The following AP3B2 variants were observed in gnomAD, a reference collection of about 807,000 sequenced individuals.
The protein encoded by AP3B2 is adaptor related protein complex 3 subunit beta 2, also known as AP-3 complex subunit beta-2.
Under a neutral mutation model 126.9 loss-of-function variants are expected in AP3B2, and 50 were observed. That is an observed-to-expected ratio of 0.39 (90% CI 0.31 to 0.50). AP3B2 has a LOEUF of 0.50. AP3B2 is among the 20% of genes least tolerant of loss of function. The pLI, the probability that AP3B2 is intolerant of heterozygous loss-of-function variation, is 0.79. For missense variants in AP3B2, 1,177 were observed against 1,426.4 expected, an observed-to-expected ratio of 0.83 and a Z score of 2.82; for synonymous variants, 541 against 565.0, an observed-to-expected ratio of 0.96 and a Z score of 0.60.
Position 82,663,968 on chromosome 15 carries a change from T to G in AP3B2, c.2269A>C (p.Ser757Arg), listed in dbSNP as rs574943201. Residue 757 changes from serine to arginine, a missense_variant, in exon 20 of 27, where the codon AGT becomes CGT. Physicochemically the swap from Ser to Arg is moderately radical, Grantham distance 110. Around this residue, in one of 5 missense-constraint regions of AP3B2, gnomAD observed 587 missense variants for 571.3 expected, o/e 1.03. Coordinates refer to ENST00000535359, the MANE Select transcript of AP3B2 (RefSeq NM_001278512.2). ...GTCTTCCTCTTACCATCCTCCTCAC[T>G]CTGTTCACTGAAGGAGTGGGAAAGG... ...EKGRGSESEQ[S>R]EEDGKRKTKK... 1 of 1,603,102 alleles carries G rather than the reference T, an allele frequency of 6.2e-7. No homozygotes were observed. The highest frequency in any genetic ancestry group is 2.2e-5 in the East Asian group (1 of 44,866).
At chr15:82,682,347 C>T (rs999485531) in intron 4 of AP3B2, among the ~76,000 whole-genome samples, 1 of 152,078 alleles carries the variant, frequency 6.6e-6, no homozygotes, top group South Asian at 2.1e-4. Context: ...GCCACCACGC[C>T]CGGCCCCAAG....
chr15:82,675,444 A>G lies in AP3B2; in HGVS notation c.1665+1017T>C, dbSNP rs147811293. Among the ~76,000 whole-genome samples the G allele has an allele frequency of 2.0e-4, 31 of 152,346 alleles. No homozygotes were observed. In the East Asian group the frequency reaches 5.8e-3, roughly 28 times the overall value. ...ATCAAAGAAGCCACTGAAAAAGATA[A>G]GTGCCACCATCCAAAGACTCCCACG... is the stretch of plus-strand genomic sequence containing the variant. On this transcript the variant is annotated intron_variant, in intron 14 of 26. Transcript: ENST00000535359.
chr15:82,699,807 A>T (rs141479265), intron 1 of AP3B2: 3 of 399,268 alleles, frequency 7.5e-6, no homozygotes, highest in Non-Finnish European at 1.3e-5. Context: ...CAGCCTCTTG[A>T]TCAGCTCCGC....
At chr15:82,673,798 C>T (rs755144729) in intron 14 of AP3B2, among the ~76,000 whole-genome samples, 25 of 152,106 alleles carry the variant, frequency 1.6e-4, no homozygotes, top group Non-Finnish European at 2.5e-4. Flanking sequence ...AAAAAGTTTA[C>T]GTTTTTAAAA....
chr15:82,690,511 TTC>T (rs961269352), intron 1 of AP3B2, among the ~76,000 whole-genome samples: 2 of 152,130 alleles, frequency 1.3e-5, no homozygotes, highest in Admixed American at 6.6e-5. Flanking sequence ...GTGTTTGGTT[TTC>T]TGTCCTTGCA....
At position 82,662,164 on chromosome 15, in the gene AP3B2, A is replaced by AT; in HGVS notation, c.2918+3dup. On this transcript the variant is annotated splice_donor_region_variant and intron_variant, in intron 24 of 26. Transcript: ENST00000535359. ...CTCACCCCCACCTCGAGTTGGGCAC[A>AT]TACCACAGCTGGAAGTTGGCTGCCT... 6.3e-7 allele frequency: 1 copy of AT among 1,596,110 alleles called. No individual in the cohort carries two copies. The highest frequency in any genetic ancestry group is 1.7e-4 in the Middle Eastern group (1 of 6,024).
rs901147083 is a variant in AP3B2, at chr15:82,681,053, G to A, written c.589-34C>T. ...AGAACAAAGACGAGAGGGTGAACGC[G>A]AAGGGTGGAAGGCCGGCTGCCGGTC... is the stretch of plus-strand genomic sequence containing the variant. On this transcript the variant is annotated intron_variant, in intron 6 of 26. Transcript: ENST00000535359. The surrounding 1 kb of genome is among the most constrained non-coding windows in gnomAD (Gnocchi z 4.0). 1 of 1,613,456 alleles carries A rather than the reference G, an allele frequency of 6.2e-7. No homozygotes were observed. The highest frequency in any genetic ancestry group is 1.1e-5 in the South Asian group (1 of 91,078).
At chr15:82,667,028 C>T (rs2048070752) in intron 14 of AP3B2, 95 bp from the exon 15 acceptor site, 8 of 1,289,064 alleles carry the variant, frequency 6.2e-6, no homozygotes, top group East Asian at 2.4e-5. Flanking sequence ...TCAGGCAGAA[C>T]GTCTCCTCTC....
At chr15:82,696,989 C>T (rs2151457341) in intron 1 of AP3B2, among the ~76,000 whole-genome samples, 1 of 152,276 alleles carries the variant, frequency 6.6e-6, no homozygotes, top group African/African-American at 2.4e-5. Flanking sequence ...TAACCCACAG[C>T]TTTGACCCAG....
intron 14 of AP3B2, among the ~76,000 whole-genome samples, chr15:82,673,874 G>T (rs1267096227): frequency 6.6e-6 from 1 of 152,152 alleles, no homozygotes. Context: ...GAGGGTTGTA[G>T]ATCCCACTGT....
intron 14 of AP3B2, among the ~76,000 whole-genome samples, chr15:82,671,830 G>T (rs1193486698): frequency 6.6e-6 from 1 of 151,720 alleles, no homozygotes; most frequent in Admixed American, 6.6e-5. Flanking sequence ...GATCACTTGC[G>T]GCCAGGAGTT....
intron 1 of AP3B2, among the ~76,000 whole-genome samples, chr15:82,695,389 G>A (rs549163883): frequency 6.6e-6 from 1 of 152,238 alleles, no homozygotes; most frequent in African/African-American, 2.4e-5. Flanking sequence ...GTGAGCTGCT[G>A]TGCCCAGCTG....
chr15:82,680,563 T>G lies in AP3B2; in HGVS notation c.964A>C (p.Met322Leu). Residue 322 changes from methionine (M) to leucine (L), a missense_variant, in exon 8 of 27, where the codon ATG becomes CTG. Met to Leu is a conservative substitution (Grantham distance 15). Coordinates refer to ENST00000535359, the MANE Select transcript of AP3B2 (RefSeq NM_001278512.2). The surrounding 1 kb of genome is among the most constrained non-coding windows in gnomAD (Gnocchi z 6.1). The stretch of plus-strand genomic sequence containing the variant: ...TGGAAGTAGAGCTGCGCCACCGCCA[T>G]CACCACCGCGGCGCTGCGGCTCTGC... ...LLQSRSAAVV[M>L]AVAQLYFHLA... is the part of the protein sequence containing the mutation. 1 of 1,579,334 alleles carries G rather than the reference T, an allele frequency of 6.3e-7. No homozygotes were observed. The highest frequency in any genetic ancestry group is 8.5e-7 in the Non-Finnish European group (1 of 1,169,996).
At chr15:82,677,881 T>C in intron 11 of AP3B2, 78 bp from the exon 12 acceptor site, 6 of 1,489,456 alleles carry the variant, frequency 4.0e-6, no homozygotes, top group Admixed American at 2.2e-5. Context: ...TGGCCTTTCA[T>C]TTTATGGCTT....
In AP3B2 at chr15:82,665,555, C is replaced by T. The variant is rs1263253647; in HGVS notation, c.1873G>A (p.Gly625Ser). The change falls in exon 16 of 27, where the codon GGC becomes AGC. Residue 625 changes from glycine to serine, a missense_variant. Physicochemically the swap from Gly to Ser is moderately conservative, Grantham distance 56 (BLOSUM62 0). Around this residue, in one of 5 missense-constraint regions of AP3B2, gnomAD observed 308 missense variants for 452.4 expected, o/e 0.68. Transcript: ENST00000535359. The surrounding 1 kb of genome is among the most constrained non-coding windows in gnomAD (Gnocchi z 4.4). ...SFKDRDHFQL[G>S]SLSHLLNAKA... is the part of the protein sequence containing the mutation. ...GCATTAAGCAGGTGGGACAGTGAGC[C>T]CAGCTGGAAGTGGTCCCGGTCTAGG... 3 of 1,613,880 alleles carry T rather than the reference C, an allele frequency of 1.9e-6. No individual in the cohort carries two copies. The highest frequency in any genetic ancestry group is 1.3e-5 in the African/African-American group (1 of 75,034).
At chr15:82,688,088 A>T in intron 4 of AP3B2, 1 of 206,888 alleles carries the variant, frequency 4.8e-6, no homozygotes, top group Non-Finnish European at 9.9e-6. Context: ...TGGGCAACAC[A>T]GTGAGAACCT....
rs766841169 is a variant in AP3B2 at position 82,676,683 on chromosome 15, G to A, written c.1489-46C>T. 21 of 1,595,050 alleles carry A rather than the reference G, an allele frequency of 1.3e-5. No homozygotes were observed. The African/African-American group carries it at 2.8e-4, about 21-fold the overall frequency. On this transcript the variant is annotated intron_variant, in intron 13 of 26. Transcript: ENST00000535359. ...TGAAGATGGGTAAATACGGGAAAGT[G>A]GGTGGGTAGGATTGTGGACTTCCAG...
At position 82,680,808 on chromosome 15, in the gene AP3B2, C is replaced by G. The variant is rs1249638787; in HGVS notation, c.771+29G>C. 6.2e-7 allele frequency: 1 copy of G among 1,611,326 alleles called. No individual in the cohort carries two copies. Among genetic ancestry groups the G allele is most frequent in the Non-Finnish European group, 8.5e-7 (1 of 1,178,726 alleles). ...GGCGCCTCCCCGGGACACACTTCGG[C>G]CCGCTCTGCCTGGGCTGGGCCCACT... On this transcript the variant is annotated intron_variant, in intron 7 of 26. Coordinates refer to ENST00000535359, the MANE Select transcript of AP3B2 (RefSeq NM_001278512.2). This position sits in a 1 kb window ranked among gnomAD's most constrained non-coding sequence, Gnocchi z 6.1.
At chr15:82,692,370 A>C in intron 1 of AP3B2, 1 of 511,276 alleles carries the variant, frequency 2.0e-6, no homozygotes, top group South Asian at 2.6e-5. Flanking sequence ...GGCACCTCCC[A>C]ACGCCCCCTC....
Sources: gnomAD v4.1 joint callset for allele counts (sites outside exome capture counted in the v4.1 genomes callset) on GRCh38, gnomAD v4.1.1 for gene constraint, gnomAD v4.1.1 regional missense constraint, Gnocchi (gnomAD v3.1) non-coding constraint, MANE v1.5 for transcripts, NCBI Gene and HGNC (gene_info 2026-07-23, HGNC 2026-07-21) for gene names.